Variants in SEMA4B observed in about 807,000 individuals in gnomAD.
SEMA4B encodes semaphorin-4B.
A neutral mutation model predicts 88.1 loss-of-function variants in SEMA4B; 55 were observed. The observed-to-expected ratio is 0.62, with a 90% CI of 0.50 to 0.78. The LOEUF is 0.78. Ranked by LOEUF, SEMA4B falls within the 30% of genes least tolerant of loss-of-function variation. The pLI is 0.00. For synonymous variants in SEMA4B, 525 were observed against 473.6 expected, an observed-to-expected ratio of 1.11 and a Z score of -1.41; for missense variants, 1,062 against 1,111.9, an observed-to-expected ratio of 0.96 and a Z score of 0.64.
chr15:90,224,165 G>A (rs1238599559), intron 9 of SEMA4B, among the ~76,000 whole-genome samples, 177 bp downstream of exon 9: 1 of 152,236 alleles, frequency 6.6e-6, no homozygotes, highest in East Asian at 1.9e-4. Context: ...TTAGATATAA[G>A]TATGAATGTC....
At chr15:90,224,927 C>T (rs1596158391) in intron 9 of SEMA4B, 41 bp from the exon 10 acceptor site, 1 of 1,569,844 alleles carries the variant, frequency 6.4e-7, no homozygotes. Context: ...GCCTGCCACC[C>T]CGAGGTGTGG....
intron 1 of SEMA4B, among the ~76,000 whole-genome samples, chr15:90,211,539 G>A (rs989540708): frequency 2.0e-5 from 3 of 152,198 alleles, no homozygotes; most frequent in African/African-American, 7.2e-5. Flanking sequence ...GGAAGAAGTG[G>A]CTGCCCTGCC....
At chr15:90,206,163 CTCCT>C (rs971238549) in intron 1 of SEMA4B, among the ~76,000 whole-genome samples, 8 of 152,206 alleles carry the variant, frequency 5.3e-5, no homozygotes, top group African/African-American at 1.9e-4. Flanking sequence ...TCATCAATCA[CTCCT>C]TCCTTTATCT....
intron 1 of SEMA4B, among the ~76,000 whole-genome samples, chr15:90,206,102 A>G (rs1435635068): frequency 6.6e-6 from 1 of 152,190 alleles, no homozygotes; most frequent in East Asian, 1.9e-4. Context: ...CCTCTAGGCA[A>G]GAGACAGAGG....
At chr15:90,200,719 C>A (rs1232830929), upstream of SEMA4B, among the ~76,000 whole-genome samples, 1 of 152,204 alleles carries the variant, frequency 6.6e-6, no homozygotes, top group Admixed American at 6.5e-5. Flanking sequence ...CCTATTATCC[C>A]ACTTAAGCTA....
At chr15:90,221,263 C>T in intron 5 of SEMA4B, 104 bp from the exon 6 acceptor site, 1 of 1,198,130 alleles carries the variant, frequency 8.3e-7, no homozygotes, top group Non-Finnish European at 1.2e-6. Flanking sequence ...TCCTTCTCTG[C>T]CCACCACAGG....
chr15:90,206,664 C>T (rs562906889), intron 1 of SEMA4B: 2 of 683,128 alleles, frequency 2.9e-6, no homozygotes, highest in Non-Finnish European at 2.7e-6. Context: ...GATGGCCTAG[C>T]ACATGGAATT....
At chr15:90,220,047 C>G in intron 4 of SEMA4B, 156 bp downstream of exon 4, 1 of 582,054 alleles carries the variant, frequency 1.7e-6, no homozygotes, top group Non-Finnish European at 3.0e-6. Context: ...AGGTCCCACA[C>G]CCTGGCACAA....
upstream of SEMA4B, among the ~76,000 whole-genome samples, chr15:90,197,519 G>T (rs1960549616): frequency 1.3e-5 from 2 of 151,418 alleles, no homozygotes; most frequent in Admixed American, 6.6e-5. Flanking sequence ...CTCACTGCAA[G>T]CTCCGCCTCC....
chr15:90,192,613 G>A (rs563268010), intron 1 of SEMA4B, among the ~76,000 whole-genome samples: 8 of 113,440 alleles, frequency 7.1e-5, no homozygotes, highest in Non-Finnish European at 1.2e-4. Context: ...TTTTTGAGAT[G>A]GAATCTTGCT....
At chr15:90,217,688 G>A (rs1302877146) in intron 2 of SEMA4B, 79 bp from the exon 3 acceptor site, 2 of 1,604,214 alleles carry the variant, frequency 1.2e-6, no homozygotes, top group African/African-American at 1.3e-5. Context: ...CTGGGTCCAA[G>A]GATGATGCCT....
Position 90,212,645 on chromosome 15 carries a change from C to CACGCCCTGCGGTACCGTGT in SEMA4B, c.158-4792_158-4791insGCCCTGCGGTACCGTGTAC. ...TGGACAAGCCCTGCGGTACCGTGTA[C>CACGCCCTGCGGTACCGTGT]ACACACACACACACACACACACCAC... On this transcript the variant is annotated intron_variant, in intron 1 of 13. Transcript: ENST00000411539. The surrounding 1 kb of genome is among the most constrained non-coding windows in gnomAD (Gnocchi z 4.0). 9.2e-6 allele frequency among the ~76,000 whole-genome samples: 1 copy of CACGCCCTGCGGTACCGTGT among 108,468 alleles called. No individual in the cohort carries two copies. 71.2% of individuals were successfully genotyped at this position (108,468 alleles called of 152,430 possible).
upstream of SEMA4B, among the ~76,000 whole-genome samples, chr15:90,196,429 A>G (rs919089787): frequency 5.3e-5 from 8 of 152,098 alleles, no homozygotes; most frequent in Non-Finnish European, 7.4e-5. Flanking sequence ...CTTCCACCCA[A>G]TGGTTTCCCA....
At chr15:90,220,100 G>A in intron 4 of SEMA4B, 1 of 527,810 alleles carries the variant, frequency 1.9e-6, no homozygotes, top group Non-Finnish European at 3.3e-6. Context: ...GGGGAGGCGG[G>A]GGCACATGCG....
intron 9 of SEMA4B, 138 bp downstream of exon 9, chr15:90,224,126 T>A: frequency 1.3e-6 from 1 of 764,040 alleles, no homozygotes; most frequent in Non-Finnish European, 2.1e-6. Context: ...AATATGGGGA[T>A]ATAGGCCCAG....
rs1222167203 is a variant in SEMA4B at position 90,185,059 on chromosome 15, GCGCTGAC to G, written c.-142_-136del. The G allele has an allele frequency of 2.2e-5, 22 of 985,348 alleles. No individual in the cohort carries two copies. In the East Asian group the frequency reaches 2.2e-3, roughly 97 times the overall value. 61.0% of individuals were successfully genotyped at this position (985,348 alleles called of 1,614,324 possible). A position where few individuals can be genotyped will look rare whatever the true frequency, so the allele number is the denominator to read the frequency against. ...CGGCCCCGCGGGGGGCGATGACCGT[GCGCTGAC>G]CCTGACTCACTCCAGGTAGGCGCGG... On this transcript the variant is annotated 5_prime_UTR_variant, in exon 1 of 15. Coordinates refer to the SEMA4B transcript ENST00000332496.
At chr15:90,213,692 A>G (rs1410418364) in intron 1 of SEMA4B, among the ~76,000 whole-genome samples, 1 of 152,190 alleles carries the variant, frequency 6.6e-6, no homozygotes, top group East Asian at 1.9e-4. Flanking sequence ...TGCTGCCCAG[A>G]CTTACAGGGC....
At position 90,221,034 on chromosome 15, in the gene SEMA4B, A is replaced by T; in HGVS notation, c.536A>T (p.Glu179Val). 1.9e-6 allele frequency: 3 copies of T among 1,611,592 alleles called. No individual in the cohort carries two copies. The highest frequency in any genetic ancestry group is 2.5e-6 in the Non-Finnish European group (3 of 1,178,906). The change falls in exon 5 of 14, where the codon GAA becomes GTA. Residue 179 changes from glutamate (E) to valine (V), a missense_variant. Transcript: ENST00000411539. The stretch of plus-strand genomic sequence containing the variant: ...GACGAGAAGGGGAATGTCCTCCTGG[A>T]AGATGGCAAGGGCCGTTGTCCCTTC... ...ARDEKGNVLL[E>V]DGKGRCPFDP...
At position 90,229,388 on chromosome 15, in the gene SEMA4B, C is replaced by T. The variant is rs1433089057; in HGVS notation, c.*745C>T. 5 of 456,714 alleles carry T rather than the reference C, an allele frequency of 1.1e-5. No individual in the cohort carries two copies. The highest frequency in any genetic ancestry group is 1.5e-5 in the South Asian group (1 of 64,556). The allele number at this position is 456,714 out of a possible 1,614,324, so 28.3% of individuals were successfully genotyped here. ...CCTCAGAATTCAGGGAAGAGACTGT[C>T]GCCTGCCTTCCTCCGTTGTTGCGTG... On this transcript the variant is annotated 3_prime_UTR_variant, in exon 14 of 14. Coordinates refer to ENST00000411539, the MANE Select transcript of SEMA4B (RefSeq NM_198925.4).
Sources: gnomAD v4.1 joint callset for allele counts (sites outside exome capture counted in the v4.1 genomes callset) on GRCh38, gnomAD v4.1.1 for gene constraint, Gnocchi (gnomAD v3.1) non-coding constraint, MANE v1.5 for transcripts, NCBI Gene and HGNC (gene_info 2026-07-23, HGNC 2026-07-21) for gene names.